Variants in FGGY observed in about 807,000 individuals in gnomAD.
FGGY encodes the protein FGGY carbohydrate kinase domain-containing protein.
FGGY carries 72 observed loss-of-function variants against 71.3 expected under a neutral mutation model. The observed-to-expected ratio is 1.01, with a 90% CI of 0.84 to 1.23. The LOEUF (loss-of-function observed/expected upper bound fraction) is 1.23. Ranked by LOEUF, FGGY falls within the 50% of genes most tolerant of loss-of-function variation. The pLI is 0.00. For synonymous variants in FGGY, 251 were observed against 250.3 expected (o/e 1.00, Z -0.02); for missense variants, 668 against 682.3 (o/e 0.98, Z 0.23).
intron 8 of FGGY, among the ~76,000 whole-genome samples, chr1:59,587,406 CTT>C (rs1407045807): frequency 6.6e-6 from 1 of 152,140 alleles, no homozygotes; most frequent in African/African-American, 2.4e-5. Context: ...CCCCTGCCGA[CTT>C]AAATGTCCCT....
intron 14 of FGGY, among the ~76,000 whole-genome samples, chr1:59,678,615 C>G (rs1240150549): frequency 6.6e-6 from 1 of 152,162 alleles, no homozygotes; most frequent in Non-Finnish European, 1.5e-5. Flanking sequence ...TGAAATGGCT[C>G]TCCACTTTCT....
At position 59,699,956 on chromosome 1, in the gene FGGY, A is replaced by G. The variant is rs147097168; in HGVS notation, c.1512+25823A>G. ...AAGTTGTCATTGAGACTTTTAGCCT[A>G]TTTGTTCTCTCCACTGATATCATTA... On this transcript the variant is annotated intron_variant, in intron 14 of 15. Coordinates refer to ENST00000303721, the MANE Select transcript of FGGY (RefSeq NM_018291.5). Among the ~76,000 whole-genome samples the G allele has an allele frequency of 1.2e-3, 181 of 152,200 alleles. 2 individuals carry two copies. Among genetic ancestry groups the G allele is most frequent in the African/African-American group, 4.1e-3 (171 of 41,530 alleles).
chr1:59,491,948 A>G (rs749466033), intron 6 of FGGY, among the ~76,000 whole-genome samples: 1 of 152,158 alleles, frequency 6.6e-6, no homozygotes, highest in Non-Finnish European at 1.5e-5. Context: ...ATTGGAGTCA[A>G]TGAATTGGGC....
intron 6 of FGGY, among the ~76,000 whole-genome samples, chr1:59,510,594 A>G (rs2094495782): frequency 6.6e-6 from 1 of 152,228 alleles, no homozygotes; most frequent in African/African-American, 2.4e-5. Flanking sequence ...AGTGTCCAAT[A>G]GAAATATAAT....
chr1:59,355,008 G>T (rs1300376979), intron 4 of FGGY, among the ~76,000 whole-genome samples: 4 of 152,224 alleles, frequency 2.6e-5, no homozygotes, highest in Non-Finnish European at 5.9e-5. Flanking sequence ...AGAGGCGTAG[G>T]AGGGGGTTTG....
chr1:59,520,541 C>A (rs1223010755), intron 7 of FGGY, among the ~76,000 whole-genome samples: 2 of 152,180 alleles, frequency 1.3e-5, no homozygotes, highest in Admixed American at 6.5e-5. Context: ...AAATACTTTA[C>A]AACTATTTCA....
chr1:59,334,801 A>T (rs1343948417), intron 2 of FGGY, among the ~76,000 whole-genome samples: 1 of 152,212 alleles, frequency 6.6e-6, no homozygotes, highest in African/African-American at 2.4e-5. Flanking sequence ...TCATGTTTTA[A>T]GTTAATAGAA....
At chr1:59,541,480 G>A (rs2095438960) in intron 7 of FGGY, among the ~76,000 whole-genome samples, 1 of 152,120 alleles carries the variant, frequency 6.6e-6, no homozygotes, top group South Asian at 2.1e-4. Context: ...ATCTTGTCTG[G>A]CCTAGTTACT....
intron 10 of FGGY, among the ~76,000 whole-genome samples, chr1:59,631,497 G>C (rs996474395): frequency 1.3e-5 from 2 of 152,176 alleles, no homozygotes; most frequent in Non-Finnish European, 2.9e-5. Context: ...GACCCTTTAT[G>C]CTTCCGGTCT....
At chr1:59,358,263 C>T (rs950570404) in intron 4 of FGGY, among the ~76,000 whole-genome samples, 2 of 152,150 alleles carry the variant, frequency 1.3e-5, no homozygotes, top group African/African-American at 4.8e-5. Context: ...AACACCTGGG[C>T]TGTTTTACTT....
intron 4 of FGGY, among the ~76,000 whole-genome samples, chr1:59,347,089 TTTTTCGGTTATTC>T (rs2052149369): frequency 1.5e-5 from 1 of 67,240 alleles, no homozygotes; most frequent in Admixed American, 2.2e-4. Flanking sequence ...TTCCTCTTTT[TTTTTCGGTTATTC>T]TTTATTATTA....
intron 7 of FGGY, among the ~76,000 whole-genome samples, chr1:59,549,753 A>T (rs1031415952): frequency 1.3e-5 from 2 of 152,244 alleles, no homozygotes; most frequent in African/African-American, 4.8e-5. Flanking sequence ...TGTACTCTTA[A>T]TCATAACATT....
chr1:59,536,638 CAA>C (rs2095323134), intron 7 of FGGY, among the ~76,000 whole-genome samples: 1 of 152,156 alleles, frequency 6.6e-6, no homozygotes, highest in Non-Finnish European at 1.5e-5. Context: ...AGCAGCACAT[CAA>C]AAAGCTTATC....
At chr1:59,658,450 A>G (rs1422088411) in intron 11 of FGGY, among the ~76,000 whole-genome samples, 1 of 152,214 alleles carries the variant, frequency 6.6e-6, no homozygotes, top group East Asian at 1.9e-4. Context: ...TGATTGCCCA[A>G]TTATTTGCCA....
chr1:59,336,154 T>C (rs1286936105), intron 2 of FGGY, among the ~76,000 whole-genome samples: 2 of 152,154 alleles, frequency 1.3e-5, no homozygotes, highest in Non-Finnish European at 2.9e-5. Flanking sequence ...TTGAGTTAAG[T>C]TTTGTGTATG....
intron 1 of FGGY, among the ~76,000 whole-genome samples, chr1:59,303,060 T>A (rs929016264): frequency 1.3e-5 from 2 of 152,190 alleles, no homozygotes; most frequent in Non-Finnish European, 2.9e-5. Flanking sequence ...CAATTTGATA[T>A]ACATTGTGAA....
intron 1 of FGGY, among the ~76,000 whole-genome samples, chr1:59,307,762 G>A (rs2043665054): frequency 6.7e-6 from 1 of 149,888 alleles, no homozygotes; most frequent in Non-Finnish European, 1.5e-5. Context: ...ACCCTTAAGG[G>A]AAGAATAGTG....
At chr1:59,390,561 A>G (rs2060576189) in intron 5 of FGGY, among the ~76,000 whole-genome samples, 1 of 152,164 alleles carries the variant, frequency 6.6e-6, no homozygotes, top group South Asian at 2.1e-4. Context: ...TAGAAGATCT[A>G]CGTCATACTT....
intron 7 of FGGY, among the ~76,000 whole-genome samples, chr1:59,535,954 C>T (rs2095303361): frequency 6.7e-6 from 1 of 148,200 alleles, no homozygotes; most frequent in Non-Finnish European, 1.5e-5. Context: ...CATTCAAAAG[C>T]TAGCAGAAGG....
Sources: allele counts gnomAD v4.1 joint callset (sites outside exome capture counted in the v4.1 genomes callset), GRCh38; gene constraint gnomAD v4.1.1; transcripts MANE v1.5; gene names NCBI Gene and HGNC (gene_info 2026-07-23, HGNC 2026-07-21).